Variants in PLPPR5 observed in about 807,000 individuals in gnomAD.
PLPPR5 encodes the protein phospholipid phosphatase-related protein type 5.
In PLPPR5, 16 loss-of-function variants were observed where a neutral mutation model predicts 33.9. That is an observed-to-expected ratio of 0.47 (90% CI 0.32 to 0.72). The LOEUF (loss-of-function observed/expected upper bound fraction) is 0.72. Ranked by LOEUF, PLPPR5 falls within the 30% of genes least tolerant of loss-of-function variation. The probability of loss-of-function intolerance (pLI) is 0.03; values close to 1 mark genes in which losing one functional copy is unlikely to be tolerated. For synonymous variants in PLPPR5, 163 were observed against 150.3 expected, an observed-to-expected ratio of 1.08 and a Z score of -0.62; for missense variants, 301 against 406.7, an observed-to-expected ratio of 0.74 and a Z score of 2.23.
intron 3 of PLPPR5, among the ~76,000 whole-genome samples, chr1:98,952,551 G>A (rs1413467148): frequency 1.3e-5 from 2 of 152,042 alleles, no homozygotes; most frequent in African/African-American, 4.8e-5. Flanking sequence ...AAGACTAAAG[G>A]AAAAAATAGA....
intron 1 of PLPPR5, among the ~76,000 whole-genome samples, chr1:98,961,997 C>T (rs529949142): frequency 6.6e-6 from 1 of 152,268 alleles, no homozygotes; most frequent in South Asian, 2.1e-4. Context: ...CTCATATCTA[C>T]CTATTGGAAG....
intron 1 of PLPPR5, among the ~76,000 whole-genome samples, chr1:98,988,965 G>A (rs80198121): frequency 2.6e-5 from 4 of 152,066 alleles, no homozygotes; most frequent in Non-Finnish European, 5.9e-5. Context: ...CACAACTGCT[G>A]TTCAAGTTGT....
intron 3 of PLPPR5, among the ~76,000 whole-genome samples, chr1:98,938,575 T>C (rs1650258373): frequency 6.7e-6 from 1 of 149,564 alleles, no homozygotes; most frequent in Non-Finnish European, 1.5e-5. Flanking sequence ...ACTTATTATA[T>C]ATTCAAAGTA....
chr1:98,952,051 T>C (rs1023762008), intron 3 of PLPPR5, among the ~76,000 whole-genome samples: 4 of 152,028 alleles, frequency 2.6e-5, no homozygotes, highest in African/African-American at 9.7e-5. Context: ...TCACTTGAGG[T>C]CTGAAGTTTG....
At chr1:98,942,169 T>G (rs2101193772) in intron 3 of PLPPR5, among the ~76,000 whole-genome samples, 1 of 152,082 alleles carries the variant, frequency 6.6e-6, no homozygotes, top group South Asian at 2.1e-4. Context: ...CCTCCTGAAT[T>G]CAAGCGATTC....
At chr1:98,974,426 A>C (rs1380295607) in intron 1 of PLPPR5, among the ~76,000 whole-genome samples, 1 of 152,114 alleles carries the variant, frequency 6.6e-6, no homozygotes, top group Non-Finnish European at 1.5e-5. Flanking sequence ...CTCCACACAC[A>C]CAGCAAATCT....
chr1:98,958,666 CTG>C (rs1210181696), intron 1 of PLPPR5, among the ~76,000 whole-genome samples: 1 of 152,162 alleles, frequency 6.6e-6, no homozygotes, highest in Non-Finnish European at 1.5e-5. Context: ...AGTAGATGAA[CTG>C]TGTGTTTGAT....
At position 98,920,942 on chromosome 1, in the gene PLPPR5, G is replaced by A. The variant is rs111396984; in HGVS notation, c.798+940C>T. 7.5e-3 allele frequency among the ~76,000 whole-genome samples: 1,133 copies of A among 151,876 alleles called. 13 individuals carry two copies. Among genetic ancestry groups the A allele is most frequent in the African/African-American group, 0.025 (1,038 of 41,428 alleles). The stretch of plus-strand genomic sequence containing the variant: ...TAATGATTAGTGCACATGAATAGAG[G>A]GAAGTTCAGGCTGTTTATTATATAC... On this transcript the variant is annotated intron_variant, in intron 4 of 5. Coordinates refer to ENST00000263177, the MANE Select transcript of PLPPR5 (RefSeq NM_001037317.2).
At chr1:98,917,182 A>G (rs1273249219) in intron 4 of PLPPR5, among the ~76,000 whole-genome samples, 3 of 152,174 alleles carry the variant, frequency 2.0e-5, no homozygotes, top group African/African-American at 4.8e-5. Context: ...GTGCAGATTC[A>G]CAAGGCTAAA....
chr1:98,914,879 T>G lies in PLPPR5; in HGVS notation c.840A>C (p.Glu280Asp), dbSNP rs1260012154. 1.2e-6 allele frequency: 2 copies of G among 1,612,750 alleles called. No homozygotes were observed. The highest frequency in any genetic ancestry group is 3.3e-5 in the Admixed American group (2 of 59,942). Residue 280 changes from glutamate to aspartate, a missense_variant, in exon 5 of 6, where the codon GAA becomes GAC. Transcript: ENST00000263177. The part of the protein sequence containing the change: ...VVNNFKGRQA[E>D]NEHIHMDNLA... ...GATTATCCATGTGTATATGCTCATT[T>G]TCTGCTTGTCTCCCTTTGAAATTAT...
Position 98,891,592 on chromosome 1 carries a change from C to T in PLPPR5, c.*1480G>A, listed in dbSNP as rs796164920. 3.9e-5 allele frequency: 6 copies of T among 151,912 alleles called. No individual in the cohort carries two copies. Among genetic ancestry groups the T allele is most frequent in the African/African-American group, 1.4e-4 (6 of 41,432 alleles). The allele number at this position is 151,912 out of a possible 1,614,324, so 9.4% of individuals were successfully genotyped here. On this transcript the variant is annotated 3_prime_UTR_variant, in exon 6 of 6. Coordinates refer to ENST00000263177, the MANE Select transcript of PLPPR5 (RefSeq NM_001037317.2). ...CACTCTGCTGAGTGGGAGGCTGGGA[C>T]CTGGGGGTGAGGGTGGAAGGGGAGA... is the stretch of plus-strand genomic sequence containing the variant.
At chr1:98,907,326 C>A (rs1648944047) in intron 5 of PLPPR5, among the ~76,000 whole-genome samples, 1 of 151,614 alleles carries the variant, frequency 6.6e-6, no homozygotes, top group Non-Finnish European at 1.5e-5. Context: ...TTCAGCTTCC[C>A]AAGTAGCTGG....
chr1:98,994,072 T>C (rs946644764), intron 1 of PLPPR5, among the ~76,000 whole-genome samples: 5 of 152,116 alleles, frequency 3.3e-5, no homozygotes, highest in African/African-American at 1.2e-4. Context: ...GGCTGGGCTT[T>C]ATCCTAGTTT....
intron 1 of PLPPR5, among the ~76,000 whole-genome samples, chr1:98,986,378 T>C (rs1652265255): frequency 6.6e-6 from 1 of 151,820 alleles, no homozygotes; most frequent in African/African-American, 2.4e-5. Flanking sequence ...GAGTTCAAAA[T>C]TGCTTAATTC....
At chr1:98,975,994 G>T (rs991792791) in intron 1 of PLPPR5, among the ~76,000 whole-genome samples, 16 of 150,916 alleles carry the variant, frequency 1.1e-4, no homozygotes. Flanking sequence ...TATGTTAAAT[G>T]GACTGTGATA....
At chr1:98,933,207 A>G (rs1244333899) in intron 3 of PLPPR5, among the ~76,000 whole-genome samples, 3 of 151,208 alleles carry the variant, frequency 2.0e-5, no homozygotes, top group Non-Finnish European at 2.9e-5. Flanking sequence ...AAAAAAAAAA[A>G]GGTTTCAGTG....
chr1:98,974,695 G>T (rs1651783118), intron 1 of PLPPR5, among the ~76,000 whole-genome samples: 1 of 152,052 alleles, frequency 6.6e-6, no homozygotes, highest in African/African-American at 2.4e-5. Context: ...AATCCAAGCT[G>T]TGATTCAGTA....
intron 5 of PLPPR5, among the ~76,000 whole-genome samples, chr1:98,893,380 C>G (rs931084445): frequency 1.2e-4 from 18 of 151,910 alleles, no homozygotes; most frequent in Non-Finnish European, 2.1e-4. Flanking sequence ...AATGGCAATG[C>G]CAGACACGTT....
At chr1:98,895,799 C>A (rs1177634792) in intron 5 of PLPPR5, among the ~76,000 whole-genome samples, 1 of 151,840 alleles carries the variant, frequency 6.6e-6, no homozygotes, top group Non-Finnish European at 1.5e-5. Flanking sequence ...CTGCTTGGGG[C>A]TCATCATTTT....
Sources: gnomAD v4.1 joint callset for allele counts (sites outside exome capture counted in the v4.1 genomes callset) on GRCh38, gnomAD v4.1.1 for gene constraint, MANE v1.5 for transcripts, NCBI Gene and HGNC (gene_info 2026-07-23, HGNC 2026-07-21) for gene names.